The following BLTP1 variants were observed in gnomAD, a reference collection of about 807,000 sequenced individuals.
BLTP1 encodes fragile site-associated protein.
At chr4:122,263,595 C>T in the BLTP1 span, 1 of 1,594,774 alleles carries the variant, frequency 6.3e-7, no homozygotes, top group Admixed American at 1.7e-5. Flanking sequence ...AATAGTCTTC[C>T]CACAGGTATT....
the BLTP1 span, chr4:122,174,191 A>T: frequency 1.0e-6 from 1 of 985,138 alleles, no homozygotes; most frequent in Non-Finnish European, 1.2e-6. Context: ...TTTCAAACAT[A>T]AATCGTCTTC....
the BLTP1 span, chr4:122,171,889 A>G: frequency 1.0e-6 from 1 of 985,156 alleles, no homozygotes; most frequent in Non-Finnish European, 1.2e-6. Flanking sequence ...GATATAATGA[A>G]AAGACTACGA....
chr4:122,174,812 A>T, the BLTP1 span, among the ~76,000 whole-genome samples: 2 of 152,152 alleles, frequency 1.3e-5, no homozygotes, highest in East Asian at 3.8e-4. Context: ...TTGATGTTTT[A>T]AAATATTTTG....
chr4:122,308,662 A>T, the BLTP1 span, among the ~76,000 whole-genome samples: 3 of 152,100 alleles, frequency 2.0e-5, no homozygotes, highest in African/African-American at 4.8e-5. Flanking sequence ...TTGCAACTTA[A>T]GACCAATTTT....
At chr4:122,330,385 C>T in the BLTP1 span, among the ~76,000 whole-genome samples, 1 of 151,808 alleles carries the variant, frequency 6.6e-6, no homozygotes, top group South Asian at 2.1e-4. Context: ...CTTGCCAACA[C>T]ACTTGTTTTT....
the BLTP1 span, chr4:122,315,772 A>C: frequency 1.6e-6 from 2 of 1,226,994 alleles, no homozygotes. Flanking sequence ...TATTTAGTAT[A>C]TTATAGTTGC....
chr4:122,185,021 A>C, the BLTP1 span: 1 of 985,312 alleles, frequency 1.0e-6, no homozygotes, highest in Non-Finnish European at 1.2e-6. Flanking sequence ...ATGTGGGGCA[A>C]GAGAATGATA....
chr4:122,296,188 C>T, the BLTP1 span, among the ~76,000 whole-genome samples: 4 of 152,226 alleles, frequency 2.6e-5, no homozygotes, highest in Non-Finnish European at 4.4e-5. Context: ...CCCATCATCT[C>T]AGCCCAAAAG....
At chr4:122,239,218 A>G in the BLTP1 span, among the ~76,000 whole-genome samples, 3 of 152,160 alleles carry the variant, frequency 2.0e-5, no homozygotes, top group Non-Finnish European at 2.9e-5. Flanking sequence ...TGTGAAAGAA[A>G]AAAAACCTTT....
the BLTP1 span, chr4:122,357,031 A>T: frequency 1.0e-6 from 1 of 983,440 alleles, no homozygotes; most frequent in Non-Finnish European, 1.2e-6. Flanking sequence ...AAAAATAGGA[A>T]AATGTGAGAA....
chr4:122,222,010 A>G, the BLTP1 span: 1 of 528,404 alleles, frequency 1.9e-6, no homozygotes, highest in Non-Finnish European at 2.4e-6. Flanking sequence ...GAGAGACTGA[A>G]TTATAAAGTA....
the BLTP1 span, chr4:122,208,111 A>G: frequency 1.0e-6 from 1 of 983,544 alleles, no homozygotes; most frequent in Non-Finnish European, 1.2e-6. Flanking sequence ...TGTAGTATTA[A>G]TAGTGGTTAT....
At chr4:122,332,852 T>C in the BLTP1 span, among the ~76,000 whole-genome samples, 1 of 115,278 alleles carries the variant, frequency 8.7e-6, no homozygotes, top group African/African-American at 3.3e-5. Flanking sequence ...CATTGTTCAA[T>C]TCCCACCTAT....
At chr4:122,325,822 T>A in the BLTP1 span, 3 of 1,060,180 alleles carry the variant, frequency 2.8e-6, no homozygotes, top group South Asian at 1.7e-5. Context: ...ATGAGTTTTT[T>A]TTTTTTTTAC....
the BLTP1 span, chr4:122,247,597 T>C: frequency 8.4e-7 from 1 of 1,186,200 alleles, no homozygotes; most frequent in Non-Finnish European, 1.1e-6. Context: ...AATTAGGAAC[T>C]TCTATTTCCC....
At chr4:122,255,614 C>T in the BLTP1 span, among the ~76,000 whole-genome samples, 3 of 152,116 alleles carry the variant, frequency 2.0e-5, no homozygotes, top group Non-Finnish European at 4.4e-5. Context: ...CCATTTCACT[C>T]CAGCCTGGGC....
At chr4:122,246,214 C>T in the BLTP1 span, 1 of 1,607,730 alleles carries the variant, frequency 6.2e-7, no homozygotes. Context: ...GAACGACTAA[C>T]CAAGGACAAG....
chr4:122,204,803 C>T, the BLTP1 span: 1 of 770,380 alleles, frequency 1.3e-6, no homozygotes, highest in Non-Finnish European at 1.6e-6. Context: ...GGGATAGAGT[C>T]AGCCTAGTTA....
chr4:122,217,568 A>C, the BLTP1 span, among the ~76,000 whole-genome samples: 1,039 of 152,250 alleles, frequency 6.8e-3, 11 homozygotes, highest in African/African-American at 0.024. Context: ...TGTGAAACCC[A>C]CTTGATCATG....
Sources: allele counts gnomAD v4.1 joint callset (sites outside exome capture counted in the v4.1 genomes callset), GRCh38; gene constraint gnomAD v4.1.1; transcripts MANE v1.5; gene names NCBI Gene and HGNC (gene_info 2026-07-23, HGNC 2026-07-21).